Variants in PPP4R1 observed in about 807,000 individuals in gnomAD.
PPP4R1 encodes protein phosphatase 4 regulatory subunit 1.
Under a neutral mutation model 111.2 loss-of-function variants are expected in PPP4R1, and 42 were observed. That is an observed-to-expected ratio of 0.38 (90% CI 0.29 to 0.49). The LOEUF (loss-of-function observed/expected upper bound fraction) is 0.49. Among genes scored for constraint, PPP4R1 ranks in the 20% least tolerant of loss-of-function variants. The pLI is 0.97. For synonymous variants in PPP4R1, 409 were observed against 405.5 expected (o/e 1.01, Z -0.10); for missense variants, 1,012 against 1,161.6 (o/e 0.87, Z 1.87).
intron 6 of PPP4R1, among the ~76,000 whole-genome samples, chr18:9,585,325 T>C (rs56817979): frequency 0.2 from 30,491 of 152,152 alleles, 3,384 homozygotes; most frequent in East Asian, 0.49. Context: ...AGCTCATACA[T>C]ATCAGAACCA....
chr18:9,580,592 C>G (rs550744873), intron 9 of PPP4R1, among the ~76,000 whole-genome samples: 2 of 152,232 alleles, frequency 1.3e-5, no homozygotes, highest in East Asian at 3.9e-4. Context: ...CCTCGTGATC[C>G]ACCCGTCTCG....
chr18:9,609,206 T>A (rs1342898870), intron 2 of PPP4R1, among the ~76,000 whole-genome samples: 1 of 152,194 alleles, frequency 6.6e-6, no homozygotes, highest in East Asian at 1.9e-4. Context: ...GATCTCTCCA[T>A]CCAGGCTTGT....
At chr18:9,556,281 C>T (rs1313679684) in intron 15 of PPP4R1, among the ~76,000 whole-genome samples, 1 of 151,896 alleles carries the variant, frequency 6.6e-6, no homozygotes. Flanking sequence ...CAACCTCCAC[C>T]TCCTGGGCTC....
chr18:9,608,604 T>C (rs111808029), intron 2 of PPP4R1, among the ~76,000 whole-genome samples: 8 of 152,168 alleles, frequency 5.3e-5, no homozygotes, highest in Non-Finnish European at 7.4e-5. Context: ...TTATAGAAAT[T>C]AGAGGGAATA....
At chr18:9,611,763 G>A (rs1433015847) in intron 2 of PPP4R1, among the ~76,000 whole-genome samples, 1 of 152,084 alleles carries the variant, frequency 6.6e-6, no homozygotes, top group Non-Finnish European at 1.5e-5. Context: ...TGTAATCCCA[G>A]CACTTTGGGA....
At chr18:9,550,768 A>T (rs2066476488) in intron 16 of PPP4R1, 1 of 184,758 alleles carries the variant, frequency 5.4e-6, no homozygotes, top group Non-Finnish European at 1.1e-5. Flanking sequence ...GTTTCTCAGT[A>T]AGAAGTCCCC....
Position 9,570,547 on chromosome 18 carries a change from G to C in PPP4R1, c.1183C>G (p.Leu395Val). The C allele has an allele frequency of 6.2e-7, 1 of 1,614,156 alleles. No individual in the cohort carries two copies. The highest frequency in any genetic ancestry group is 1.1e-5 in the South Asian group (1 of 91,082). ...TCCAGTGGAACACTAATTTCACCTA[G>C]AGGCTTCCCGGATGCCTCAGCAGCA... ...DHAAEASGKP[L>V]GEISVPLDSS... Residue 395 changes from leucine to valine, a missense_variant, in exon 11 of 20, where the codon CTA becomes GTA. By Grantham distance (32) the Leu-to-Val change is conservative. This residue lies in a region of PPP4R1 where 707 missense variants were observed against 742.1 expected (regional missense o/e 0.95). Transcript: ENST00000400556.
Position 9,595,037 on chromosome 18 carries a change from T to G in PPP4R1, c.169A>C (p.Ser57Arg). Residue 57 changes from serine (S) to arginine (R), a missense_variant, in exon 3 of 20, where the codon AGT becomes CGT. Physicochemically the swap from Ser to Arg is moderately radical, Grantham distance 110. Coordinates refer to ENST00000400556, the MANE Select transcript of PPP4R1 (RefSeq NM_001042388.3). The stretch of plus-strand genomic sequence containing the variant: ...ACATACCTGTTAAATATGTTCTCAC[T>G]TGCAGCATACTTGTCCAATCTCCCC... The part of the protein sequence containing the change: ...PLGRLDKYAA[S>R]ENIFNRQMVA... 6.2e-7 allele frequency: 1 copy of G among 1,614,014 alleles called. No individual in the cohort carries two copies. Among genetic ancestry groups the G allele is most frequent in the Non-Finnish European group, 8.5e-7 (1 of 1,179,964 alleles).
Position 9,562,027 on chromosome 18 carries a change from T to C in PPP4R1, c.1795A>G (p.Asn599Asp). 6.2e-7 allele frequency: 1 copy of C among 1,613,384 alleles called. No individual in the cohort carries two copies. Among genetic ancestry groups the C allele is most frequent in the African/African-American group, 1.3e-5 (1 of 75,042 alleles). The change falls in exon 13 of 20, where the codon AAC becomes GAC. Residue 599 changes from asparagine to aspartate, a missense_variant. Physicochemically the swap from Asn to Asp is conservative, Grantham distance 23. Transcript: ENST00000400556. ...HYIHSDSDLS[N>D]NSSFSPDEER... ...TCATCAGGGCTAAAACTGCTATTGT[T>C]GCTCAAGTCTGAATCGCTGTGAATA...
chr18:9,593,854 A>AAACTCCGGGC lies in PPP4R1; in HGVS notation c.199_208dup (p.Leu70CysfsTer14). ...GCAGACTTCCCTCAAGGTATCGAGC[A>AAACTCCGGGC]AACTCCGGGCCACCATTTGTCTACA... On this transcript the variant is annotated frameshift_variant, in exon 4 of 20. Coordinates refer to ENST00000400556, the MANE Select transcript of PPP4R1 (RefSeq NM_001042388.3). LOFTEE classifies it high-confidence loss of function. 6.2e-7 allele frequency: 1 copy of AAACTCCGGGC among 1,613,740 alleles called. No homozygotes were observed.
At chr18:9,600,328 T>G (rs577277459) in intron 2 of PPP4R1, among the ~76,000 whole-genome samples, 1 of 150,710 alleles carries the variant, frequency 6.6e-6, no homozygotes, top group East Asian at 2.0e-4. Context: ...CAAAATAAAG[T>G]CTGGAAAGGA....
At chr18:9,555,619 C>T (rs1287473428) in intron 15 of PPP4R1, among the ~76,000 whole-genome samples, 2 of 152,126 alleles carry the variant, frequency 1.3e-5, no homozygotes, top group African/African-American at 4.8e-5. Context: ...TGACAACCTA[C>T]ACAGGTTAAC....
intron 10 of PPP4R1, among the ~76,000 whole-genome samples, chr18:9,575,102 T>C (rs965328342): frequency 6.6e-6 from 1 of 152,218 alleles, no homozygotes; most frequent in Non-Finnish European, 1.5e-5. Context: ...TGATAGTAAA[T>C]GTTTCTAGGG....
At chr18:9,582,162 C>G (rs2067040185) in intron 9 of PPP4R1, among the ~76,000 whole-genome samples, 1 of 151,582 alleles carries the variant, frequency 6.6e-6, no homozygotes, top group African/African-American at 2.4e-5. Context: ...GCAAAATAAA[C>G]TAAAAGCAAG....
intron 9 of PPP4R1, among the ~76,000 whole-genome samples, chr18:9,579,518 G>GTGTGTC (rs200324452): frequency 2.3e-4 from 2 of 8,778 alleles, no homozygotes; most frequent in Non-Finnish European, 1.1e-3. Context: ...GGATTTACAC[G>GTGTGTC]TGTGTGTGTG....
chr18:9,570,070 C>T, intron 11 of PPP4R1, 87 bp downstream of exon 11: 2 of 1,393,258 alleles, frequency 1.4e-6, no homozygotes, highest in Non-Finnish European at 1.9e-6. Context: ...TATTAAATGA[C>T]AATTTTTTCT....
At chr18:9,605,057 T>C (rs1167824716) in intron 2 of PPP4R1, among the ~76,000 whole-genome samples, 8 of 152,188 alleles carry the variant, frequency 5.3e-5, no homozygotes, top group Non-Finnish European at 2.9e-5. Context: ...TAATCTCTAA[T>C]AATGTAACGT....
intron 16 of PPP4R1, chr18:9,551,454 G>A (rs2066487124): frequency 6.6e-6 from 1 of 152,314 alleles, no homozygotes; most frequent in African/African-American, 2.4e-5. Flanking sequence ...AGCCAGATGT[G>A]CCCGACACAG....
Position 9,559,524 on chromosome 18 carries a change from A to G in PPP4R1, c.1923T>C (p.Ile641=), listed in dbSNP as rs1324130564. The change falls in exon 14 of 20, where the codon ATT becomes ATC. Residue 641 remains isoleucine (I), a synonymous_variant. Transcript: ENST00000400556. ...GGAGGCTATATGCACAGTGCTTAGC[A>G]ATTTCAGTGTCAACCGTCTGTGCAC... ...PSRAQTVDTE[I]AKHCAYSLPG... 1 of 1,613,626 alleles carries G rather than the reference A, an allele frequency of 6.2e-7. No homozygotes were observed. The highest frequency in any genetic ancestry group is 2.2e-5 in the East Asian group (1 of 44,888).
Sources: gnomAD v4.1 joint callset for allele counts (sites outside exome capture counted in the v4.1 genomes callset) on GRCh38, gnomAD v4.1.1 for gene constraint, gnomAD v4.1.1 regional missense constraint, MANE v1.5 for transcripts, NCBI Gene and HGNC (gene_info 2026-07-23, HGNC 2026-07-21) for gene names.